Variants in TPX2 observed in about 807,000 individuals in gnomAD.
TPX2 encodes TPX2 microtubule nucleation factor.
Under a neutral mutation model 93.6 loss-of-function variants are expected in TPX2, and 21 were observed. The observed-to-expected ratio is 0.22, with a 90% CI of 0.16 to 0.32. TPX2 has a LOEUF of 0.32. TPX2 is among the 10% of genes least tolerant of loss of function. The pLI is 1.00. For missense variants in TPX2, 776 were observed against 871.1 expected, an observed-to-expected ratio of 0.89 and a Z score of 1.37; for synonymous variants, 281 against 298.3, an observed-to-expected ratio of 0.94 and a Z score of 0.60.
At chr20:31,754,269 TG>T (rs1226254233) in intron 2 of TPX2, among the ~76,000 whole-genome samples, 3 of 151,972 alleles carry the variant, frequency 2.0e-5, no homozygotes, top group Non-Finnish European at 4.4e-5. Context: ...TCAGTAGAGA[TG>T]GAGTTTCACC....
chr20:31,786,601 G>A (rs1439310260), intron 12 of TPX2, among the ~76,000 whole-genome samples: 1 of 152,010 alleles, frequency 6.6e-6, no homozygotes, highest in Non-Finnish European at 1.5e-5. Flanking sequence ...ACTGGGTTTC[G>A]CCATGTTGCC....
intron 12 of TPX2, among the ~76,000 whole-genome samples, chr20:31,784,973 C>T (rs2062056486): frequency 6.6e-6 from 1 of 152,146 alleles, no homozygotes; most frequent in Non-Finnish European, 1.5e-5. Flanking sequence ...TTTTTGCTTG[C>T]TTTAGAGTCA....
intron 3 of TPX2, among the ~76,000 whole-genome samples, chr20:31,758,165 C>A (rs373360906): frequency 1.3e-5 from 2 of 149,186 alleles, no homozygotes; most frequent in African/African-American, 2.5e-5. Context: ...CTCTGTTGCC[C>A]AGGCTGGAGT....
At chr20:31,786,149 TA>T (rs2062064507) in intron 12 of TPX2, among the ~76,000 whole-genome samples, 1 of 152,188 alleles carries the variant, frequency 6.6e-6, no homozygotes, top group Non-Finnish European at 1.5e-5. Context: ...TGTAGGTACT[TA>T]ATCCATTTTA....
At chr20:31,777,464 G>C in intron 8 of TPX2, 23 bp from the exon 9 acceptor site, 1 of 1,610,920 alleles carries the variant, frequency 6.2e-7, no homozygotes, top group South Asian at 1.1e-5. Flanking sequence ...TTGTCTGTAT[G>C]TTTTACTGTG....
intron 12 of TPX2, among the ~76,000 whole-genome samples, chr20:31,787,087 T>G (rs542557901): frequency 6.6e-6 from 1 of 151,926 alleles, no homozygotes; most frequent in African/African-American, 2.4e-5. Flanking sequence ...AATTGTCATT[T>G]TATTGAGTGC....
rs767134687 is a variant in TPX2, at chr20:31,800,995, A to C, written c.2159A>C (p.Lys720Thr). 1.7e-5 allele frequency: 28 copies of C among 1,614,238 alleles called. No individual in the cohort carries two copies. The highest frequency in any genetic ancestry group is 2.3e-5 in the Non-Finnish European group (27 of 1,180,038). The change falls in exon 18 of 18, where the codon AAG (lysine) becomes ACG (threonine). Residue 720 changes from lysine to threonine, a missense_variant. This residue lies in a region of TPX2 where 461 missense variants were observed against 551.2 expected (regional missense o/e 0.84). Coordinates refer to ENST00000300403, the MANE Select transcript of TPX2 (RefSeq NM_012112.5). ...GTGCATAAGGCAAATCCAATACGCA[A>C]GTACCAGGGTCTGGAGATAAAGTCA... ...ELVHKANPIR[K>T]YQGLEIKSSD...
chr20:31,796,995 T>C (rs912727188), intron 15 of TPX2, among the ~76,000 whole-genome samples: 1 of 148,874 alleles, frequency 6.7e-6, no homozygotes, highest in African/African-American at 2.4e-5. Context: ...TTTGGAATCT[T>C]TTTTTTTTTA....
At chr20:31,757,659 G>A in intron 3 of TPX2, 77 bp downstream of exon 3, 1 of 1,129,322 alleles carries the variant, frequency 8.9e-7, no homozygotes, top group East Asian at 2.4e-5. Context: ...TAATAGAAGG[G>A]GTTGCAAGAA....
intron 3 of TPX2, among the ~76,000 whole-genome samples, chr20:31,757,914 A>G (rs1028215168): frequency 1.3e-5 from 2 of 152,138 alleles, no homozygotes; most frequent in Admixed American, 1.3e-4. Flanking sequence ...AACTTTGTCT[A>G]CTATCATTAG....
At chr20:31,766,793 T>TA in intron 5 of TPX2, 111 bp downstream of exon 5, 47 of 993,380 alleles carry the variant, frequency 4.7e-5, no homozygotes, top group Non-Finnish European at 5.2e-5. Context: ...ACCTTTATGT[T>TA]ACTTTTTTTT....
At chr20:31,773,863 C>G (rs2061979567) in intron 7 of TPX2, among the ~76,000 whole-genome samples, 1 of 151,376 alleles carries the variant, frequency 6.6e-6, no homozygotes, top group African/African-American at 2.4e-5. Context: ...GTAGTGAGAA[C>G]ATTTGGATTT....
chr20:31,796,535 C>T (rs984446748), intron 15 of TPX2, among the ~76,000 whole-genome samples: 1 of 152,160 alleles, frequency 6.6e-6, no homozygotes. Context: ...ATAGGCTCCT[C>T]TCTTTGCATT....
chr20:31,778,367 T>G (rs1469449633), intron 9 of TPX2, among the ~76,000 whole-genome samples: 1 of 152,222 alleles, frequency 6.6e-6, no homozygotes, highest in Non-Finnish European at 1.5e-5. Context: ...GGAATAGGCT[T>G]CTTCATCAGT....
chr20:31,794,397 G>T lies in TPX2; in HGVS notation c.1687-5G>T. ...TCTTAAACCTCATGTTTTCTTTTCT[G>T]TTAGGTGCCCAAGTTCAAGGCACTT... On this transcript the variant is annotated splice_region_variant and splice_polypyrimidine_tract_variant and intron_variant, in intron 14 of 17. Coordinates refer to ENST00000300403, the MANE Select transcript of TPX2 (RefSeq NM_012112.5). The T allele has an allele frequency of 1.2e-6, 2 of 1,612,788 alleles. No individual in the cohort carries two copies. The highest frequency in any genetic ancestry group is 1.7e-6 in the Non-Finnish European group (2 of 1,179,570).
intron 10 of TPX2, chr20:31,780,893 T>G (rs2062029039): frequency 2.6e-6 from 1 of 383,488 alleles, no homozygotes. Flanking sequence ...GGTCTTCTTT[T>G]GTTATTTATT....
chr20:31,797,295 T>C, intron 15 of TPX2, 109 bp from the exon 16 acceptor site: 1 of 928,948 alleles, frequency 1.1e-6, no homozygotes, highest in Non-Finnish European at 1.7e-6. Context: ...TTATATTAAA[T>C]CTGCTATTTT....
chr20:31,796,526 T>TA (rs2062139906), intron 15 of TPX2, among the ~76,000 whole-genome samples: 1 of 152,244 alleles, frequency 6.6e-6, no homozygotes, highest in Non-Finnish European at 1.5e-5. Flanking sequence ...TTTCAATCTA[T>TA]AGGCTCCTCT....
At chr20:31,750,456 T>C (rs1052418109) in intron 2 of TPX2, among the ~76,000 whole-genome samples, 1 of 66,828 alleles carries the variant, frequency 1.5e-5, no homozygotes, top group Non-Finnish European at 2.6e-5. Context: ...GCCCGGCTAT[T>C]TATTTATTTA....
Sources: gnomAD v4.1 joint callset for allele counts (sites outside exome capture counted in the v4.1 genomes callset) on GRCh38, gnomAD v4.1.1 for gene constraint, gnomAD v4.1.1 regional missense constraint, MANE v1.5 for transcripts, NCBI Gene and HGNC (gene_info 2026-07-23, HGNC 2026-07-21) for gene names.